Variants in DHX40 observed in about 807,000 individuals in gnomAD.
The protein encoded by DHX40 is DEAH-box helicase 40.
Under a neutral mutation model 89.6 loss-of-function variants are expected in DHX40, and 28 were observed. That is an observed-to-expected ratio of 0.31 (90% CI 0.23 to 0.43). The LOEUF is 0.43. Ranked by LOEUF, DHX40 falls within the 20% of genes least tolerant of loss-of-function variation. DHX40 has a pLI of 1.00. For synonymous variants in DHX40, 226 were observed against 283.6 expected (o/e 0.80, Z 2.04); for missense variants, 457 against 844.0 (o/e 0.54, Z 5.68).
At chr17:59,599,311 A>G (rs549746794) in intron 13 of DHX40, 64 bp from the exon 14 acceptor site, 1 of 890,260 alleles carries the variant, frequency 1.1e-6, no homozygotes, top group Admixed American at 2.8e-5. Flanking sequence ...AATAGAAATG[A>G]GAATTTTAGA....
chr17:59,605,245 A>G (rs2030771025), intron 16 of DHX40, 61 bp downstream of exon 16: 1 of 1,505,322 alleles, frequency 6.6e-7, no homozygotes, highest in Non-Finnish European at 9.2e-7. Flanking sequence ...TAAGTAATAT[A>G]CAAATGTCTT....
chr17:59,576,573 A>T (rs944702228), intron 7 of DHX40, among the ~76,000 whole-genome samples: 31 of 152,126 alleles, frequency 2.0e-4, no homozygotes, highest in Admixed American at 1.9e-3. Flanking sequence ...AATCTTTTTT[A>T]TGATGATATT....
Position 59,585,117 on chromosome 17 carries a change from C to T in DHX40, c.1344-1036C>T, listed in dbSNP as rs1447706127. Among the ~76,000 whole-genome samples, 154 of 52,856 alleles carry T rather than the reference C, an allele frequency of 2.9e-3. 4 individuals carry two copies. Among genetic ancestry groups the T allele is most frequent in the African/African-American group, 0.013 (144 of 11,118 alleles). The allele number at this position is 52,856 out of a possible 152,430, so 34.7% of individuals were successfully genotyped here. A position where few individuals can be genotyped will look rare whatever the true frequency, so the allele number is the denominator to read the frequency against. On this transcript the variant is annotated intron_variant, in intron 10 of 17. Coordinates refer to ENST00000251241, the MANE Select transcript of DHX40 (RefSeq NM_024612.5). ...CCCATTTATATGAAAGCATTTTGTCCGGCCGGGTGCGGTGGCTTACGCCCG... is the reference window on the plus strand; with the variant it reads ...CCCATTTATATGAAAGCATTTTGTCTGGCCGGGTGCGGTGGCTTACGCCCG...
In DHX40 at chr17:59,608,081, A is replaced by G. The variant is rs1238980701; in HGVS notation, c.*909A>G. ...GGATGGGATTTTCGAAGCAGACAAC[A>G]CTATTTCATCGTGTTTCAAATTGGA... On this transcript the variant is annotated 3_prime_UTR_variant, in exon 18 of 18. Transcript: ENST00000251241. 6.5e-6 allele frequency: 1 copy of G among 154,656 alleles called. No homozygotes were observed. Among genetic ancestry groups the G allele is most frequent in the Admixed American group, 6.5e-5 (1 of 15,272 alleles). 9.6% of individuals were successfully genotyped at this position (154,656 alleles called of 1,614,324 possible).
chr17:59,603,658 GT>G (rs2030672667), intron 15 of DHX40: 1 of 152,116 alleles, frequency 6.6e-6, no homozygotes, highest in African/African-American at 2.4e-5. Flanking sequence ...AAATAAATGA[GT>G]AAAAGTTTAT....
In DHX40 at chr17:59,605,189, G is replaced by C; in HGVS notation, c.1971+5G>C. 1 of 1,613,718 alleles carries C rather than the reference G, an allele frequency of 6.2e-7. No individual in the cohort carries two copies. Among genetic ancestry groups the C allele is most frequent in the Non-Finnish European group, 8.5e-7 (1 of 1,179,690 alleles). ...CACATTCATCCTTCCTCAGCAGTAAGTACTTCATTTTTAATAAAGGGAAGA... is the reference window on the plus strand; with the variant it reads ...CACATTCATCCTTCCTCAGCAGTAACTACTTCATTTTTAATAAAGGGAAGA... On this transcript the variant is annotated splice_donor_5th_base_variant and intron_variant, in intron 16 of 17. Coordinates refer to ENST00000251241, the MANE Select transcript of DHX40 (RefSeq NM_024612.5).
At chr17:59,587,156 CAA>C (rs777942147) in intron 11 of DHX40, among the ~76,000 whole-genome samples, 4 of 108,506 alleles carry the variant, frequency 3.7e-5, no homozygotes, top group Admixed American at 9.3e-5. Flanking sequence ...ACCCTGTCTC[CAA>C]AAAAAAAAAA....
intron 14 of DHX40, among the ~76,000 whole-genome samples, chr17:59,601,154 A>T (rs1434139533): frequency 6.6e-6 from 1 of 151,738 alleles, no homozygotes; most frequent in Non-Finnish European, 1.5e-5. Flanking sequence ...AAAAAAAAAA[A>T]AAAAAATTAG....
In DHX40 at chr17:59,566,667, A is replaced by G; in HGVS notation, c.153A>G (p.Pro51=). 1 of 1,604,150 alleles carries G rather than the reference A, an allele frequency of 6.2e-7. No homozygotes were observed. The highest frequency in any genetic ancestry group is 1.1e-5 in the South Asian group (1 of 88,900). Residue 51 remains proline (P), a synonymous_variant, in exon 2 of 18, where the codon CCA becomes CCG. Coordinates refer to ENST00000251241, the MANE Select transcript of DHX40 (RefSeq NM_024612.5). The part of the protein sequence containing the change: ...GCTSQEGGTT[P]TFPIQKQRKK... ...CGTCCCAGGAGGGAGGAACTACTCC[A>G]ACTTTTCCTATTCAGAAACAAAGAA...
rs1219971064 is a variant in DHX40, at chr17:59,565,652, C to T, written c.-20C>T. On this transcript the variant is annotated 5_prime_UTR_variant, in exon 1 of 18. Coordinates refer to ENST00000251241, the MANE Select transcript of DHX40 (RefSeq NM_024612.5). ...TCCTCAGATCGGTGGACGTGCTCGC[C>T]TCCACTCGGGGCCAGGTCTATGTCC... 7 of 1,592,806 alleles carry T rather than the reference C, an allele frequency of 4.4e-6. No homozygotes were observed. In the South Asian group the frequency reaches 6.6e-5, roughly 15 times the overall value.
chr17:59,590,662 G>T (rs937896106), intron 12 of DHX40, among the ~76,000 whole-genome samples: 8 of 151,382 alleles, frequency 5.3e-5, no homozygotes, highest in South Asian at 2.1e-4. Flanking sequence ...TACAGATGGG[G>T]TTTCACTCTG....
At chr17:59,605,206 A>T in intron 16 of DHX40, 22 bp downstream of exon 16, 1 of 1,608,476 alleles carries the variant, frequency 6.2e-7, no homozygotes, top group Non-Finnish European at 8.5e-7. Context: ...ATTTTTAATA[A>T]AGGGAAGAAA....
Position 59,605,175 on chromosome 17 carries a change from T to C in DHX40, c.1962T>C (p.Pro654=), listed in dbSNP as rs750008945. The C allele has an allele frequency of 1.9e-6, 3 of 1,613,944 alleles. No homozygotes were observed. In the African/African-American group the frequency reaches 4.0e-5, roughly 22 times the overall value. ...GTGGAAGCCCAGTTCACATTCATCCTTCCTCAGCAGTAAGTACTTCATTTT... is the reference window on the plus strand; with the variant it reads ...GTGGAAGCCCAGTTCACATTCATCCCTCCTCAGCAGTAAGTACTTCATTTT... ...DGRGSPVHIH[P]SSALHEQETK... Residue 654 remains proline, a synonymous_variant, in exon 16 of 18, where the codon CCT becomes CCC. Transcript: ENST00000251241.
In DHX40 at chr17:59,590,531, GA is replaced by G. The variant is rs1420517964; in HGVS notation, c.1582+2479del. ...TGCCCAGGCTGGAATGCAGTGGCGT[GA>G]TCTTGGCTCATTGCAACCTCTGCCT... On this transcript the variant is annotated intron_variant, in intron 12 of 17. Coordinates refer to ENST00000251241, the MANE Select transcript of DHX40 (RefSeq NM_024612.5). Among the ~76,000 whole-genome samples, 6 of 151,752 alleles carry G rather than the reference GA, an allele frequency of 4.0e-5. No individual in the cohort carries two copies. In the East Asian group the frequency reaches 9.7e-4, roughly 24 times the overall value.
At chr17:59,605,808 A>G in intron 17 of DHX40, 134 bp downstream of exon 17, 1 of 883,646 alleles carries the variant, frequency 1.1e-6, no homozygotes, top group Admixed American at 2.0e-5. Flanking sequence ...GCAAAATAAA[A>G]ATAAAAATTA....
chr17:59,566,260 G>A (rs1027470628), intron 1 of DHX40, among the ~76,000 whole-genome samples: 2 of 152,174 alleles, frequency 1.3e-5, no homozygotes, highest in African/African-American at 4.8e-5. Flanking sequence ...TTCTAATCCA[G>A]CTGAGAATTT....
intron 16 of DHX40, 92 bp from the exon 17 acceptor site, chr17:59,605,354 T>C: frequency 7.3e-7 from 1 of 1,379,132 alleles, no homozygotes; most frequent in Non-Finnish European, 1.0e-6. Flanking sequence ...AAGATAGGAA[T>C]TAATTGAGAA....
Position 59,570,503 on chromosome 17 carries a change from C to T in DHX40, c.281-15C>T. 6.3e-7 allele frequency: 1 copy of T among 1,579,792 alleles called. No homozygotes were observed. The highest frequency in any genetic ancestry group is 8.6e-7 in the Non-Finnish European group (1 of 1,163,550). On this transcript the variant is annotated splice_polypyrimidine_tract_variant and intron_variant, in intron 2 of 17. Coordinates refer to ENST00000251241, the MANE Select transcript of DHX40 (RefSeq NM_024612.5). Reference sequence around the variant, plus strand: ...TGCTAACATTGTTGTGTTTCTTTATCTCTGGTTTTGATAGGGTTTTCACAA... The same window carrying T: ...TGCTAACATTGTTGTGTTTCTTTATTTCTGGTTTTGATAGGGTTTTCACAA...
chr17:59,597,802 G>A (rs1340170854), intron 12 of DHX40, among the ~76,000 whole-genome samples: 1 of 151,452 alleles, frequency 6.6e-6, no homozygotes, highest in Non-Finnish European at 1.5e-5. Flanking sequence ...GGGCGCGGTG[G>A]CGGGCGCCTG....
Sources: gnomAD v4.1 joint callset for allele counts (sites outside exome capture counted in the v4.1 genomes callset) on GRCh38, gnomAD v4.1.1 for gene constraint, MANE v1.5 for transcripts, NCBI Gene and HGNC (gene_info 2026-07-23, HGNC 2026-07-21) for gene names.